The following COL4A6 variants were observed in gnomAD, a reference collection of about 807,000 sequenced individuals.
COL4A6 encodes collagen alpha-6(IV) chain.
In COL4A6, 59 loss-of-function variants were observed where a neutral mutation model predicts 126.7. The observed-to-expected ratio is 0.47, with a 90% CI of 0.38 to 0.58. COL4A6 has a LOEUF of 0.58. COL4A6 is among the 20% of genes least tolerant of loss of function. COL4A6 has a pLI of 0.00. For missense variants in COL4A6, 1,285 were observed against 1,337.3 expected (o/e 0.96, Z 0.61); for synonymous variants, 547 against 496.6 (o/e 1.10, Z -1.35).
At chrX:108,233,572 T>C (rs1446419949) in intron 3 of COL4A6, among the ~76,000 whole-genome samples, 2 of 112,040 alleles carry the variant, frequency 1.8e-5, no homozygotes, top group Non-Finnish European at 3.8e-5. Flanking sequence ...GCAATTTACT[T>C]ACATAGTTTC....
chrX:108,196,329 G>T (rs2035212923), intron 14 of COL4A6, among the ~76,000 whole-genome samples, 182 bp downstream of exon 14: 1 of 111,301 alleles, frequency 9.0e-6, no homozygotes, highest in Non-Finnish European at 1.9e-5. Context: ...CCTTTTCAAG[G>T]GAGCCATTCA....
chrX:108,277,711 C>A (rs1384487709), intron 3 of COL4A6, among the ~76,000 whole-genome samples: 3 of 112,208 alleles, frequency 2.7e-5, no homozygotes, highest in Non-Finnish European at 5.6e-5. Flanking sequence ...TGACCCCTGA[C>A]CCCCGAGCAG....
At chrX:108,381,972 T>G (rs1224444049) in intron 2 of COL4A6, among the ~76,000 whole-genome samples, 1 of 111,514 alleles carries the variant, frequency 9.0e-6, no homozygotes, top group African/African-American at 3.3e-5. Flanking sequence ...CATATTGATT[T>G]TTCTCTTGAA....
chrX:108,221,244 T>C lies in COL4A6; in HGVS notation c.275A>G (p.Asp92Gly), dbSNP rs1398101880. Reference sequence around the variant, plus strand: ...ATCAAGCTTTGCTGGTCTTACCTTATCTCCTTTTGGTCCATAAGGTCCCAG... The same window carrying C: ...ATCAAGCTTTGCTGGTCTTACCTTACCTCCTTTTGGTCCATAAGGTCCCAG... Reference protein sequence around the residue: ...GLLGPYGPKGDKGPMGVPGFL... With the variant: ...GLLGPYGPKGGKGPMGVPGFL... The change falls in exon 4 of 45, where the codon GAT becomes GGT. Residue 92 changes from aspartate to glycine, a missense_variant. Physicochemically the swap from Asp to Gly is moderately conservative, Grantham distance 94 (BLOSUM62 -1). Coordinates refer to ENST00000334504, the MANE Select transcript of COL4A6 (RefSeq NM_033641.4). 7.4e-6 allele frequency: 9 copies of C among 1,211,492 alleles called. No homozygotes were observed. Among genetic ancestry groups the C allele is most frequent in the Non-Finnish European group, 1.0e-5 (9 of 895,163 alleles).
intron 2 of COL4A6, among the ~76,000 whole-genome samples, chrX:108,368,046 A>C (rs1258938265): frequency 9.2e-6 from 1 of 109,184 alleles, no homozygotes; most frequent in African/African-American, 3.3e-5. Flanking sequence ...ATATTTTTCC[A>C]TCTAGCCCAG....
rs1438913073 is a variant in COL4A6, at chrX:108,187,886, C to A, written c.1729G>T (p.Asp577Tyr). The A allele has an allele frequency of 8.3e-7, 1 of 1,209,678 alleles. No homozygotes were observed. Among genetic ancestry groups the A allele is most frequent in the South Asian group, 1.8e-5 (1 of 56,454 alleles). ...AGACCTGGTAAACCTGGTACTCCGT[C>A]CTTGCCTGGTTCTCCTATTACACCA... ...FRGVIGEPGKDGVPGLPGLPG... is the reference protein window; with the variant it reads ...FRGVIGEPGKYGVPGLPGLPG... Residue 577 changes from aspartate (D) to tyrosine (Y), a missense_variant, in exon 22 of 45, where the codon GAC becomes TAC. Coordinates refer to ENST00000334504, the MANE Select transcript of COL4A6 (RefSeq NM_033641.4).
intron 2 of COL4A6, among the ~76,000 whole-genome samples, chrX:108,414,169 C>T (rs1361031115): frequency 8.9e-6 from 1 of 112,120 alleles, no homozygotes; most frequent in African/African-American, 3.2e-5. Flanking sequence ...GAGGAAAATG[C>T]TCTGAGGCAG....
intron 3 of COL4A6, among the ~76,000 whole-genome samples, chrX:108,252,088 C>T (rs1268332478): frequency 1.8e-5 from 2 of 111,117 alleles, no homozygotes; most frequent in Admixed American, 9.6e-5. Context: ...TTCCTCCTAT[C>T]TAACTATAAG....
At chrX:108,176,262 T>C (rs1385598084) in intron 28 of COL4A6, among the ~76,000 whole-genome samples, 1 of 105,432 alleles carries the variant, frequency 9.5e-6, no homozygotes, top group East Asian at 3.0e-4. Flanking sequence ...GGGGCAGAGG[T>C]TGCAGTGAGC....
At chrX:108,309,206 A>G (rs1467087376) in intron 3 of COL4A6, among the ~76,000 whole-genome samples, 1 of 110,662 alleles carries the variant, frequency 9.0e-6, no homozygotes, top group East Asian at 2.8e-4. Flanking sequence ...GAATGTGTTC[A>G]TATATTTATT....
chrX:108,411,076 A>T (rs1228533219), intron 2 of COL4A6, among the ~76,000 whole-genome samples: 5 of 112,413 alleles, frequency 4.4e-5, no homozygotes, highest in African/African-American at 1.3e-4. Flanking sequence ...GGGCACAGCA[A>T]AGGTAAATGA....
At chrX:108,321,088 C>G (rs920091977) in intron 2 of COL4A6, among the ~76,000 whole-genome samples, 1 of 111,784 alleles carries the variant, frequency 8.9e-6, no homozygotes, top group South Asian at 3.7e-4. Flanking sequence ...TAAGATGATG[C>G]TCTTTGTCAA....
intron 2 of COL4A6, among the ~76,000 whole-genome samples, chrX:108,325,172 A>T (rs1440950374): frequency 3.6e-5 from 4 of 112,246 alleles, no homozygotes; most frequent in South Asian, 3.7e-4. Context: ...ACTGCATGTC[A>T]TAAGCAAAGT....
In COL4A6 at chrX:108,204,497, T is replaced by C; in HGVS notation, c.688-85A>G. The C allele has an allele frequency of 3.6e-6, 3 of 826,162 alleles. No individual in the cohort carries two copies. The South Asian group carries it at 6.1e-5, about 17-fold the overall frequency. The allele number at this position is 826,162 out of a possible 1,213,427, so 68.1% of individuals were successfully genotyped here. A position where few individuals can be genotyped will look rare whatever the true frequency, so the allele number is the denominator to read the frequency against. On this transcript the variant is annotated intron_variant, in intron 11 of 44. Transcript: ENST00000334504. ...TGGGGGTTTGTCCTCTGGATGTAACTCACAAATAAACTGTCTCTTACTTTG... is the reference window on the plus strand; with the variant it reads ...TGGGGGTTTGTCCTCTGGATGTAACCCACAAATAAACTGTCTCTTACTTTG...
chrX:108,303,910 T>G (rs761538269), intron 3 of COL4A6, among the ~76,000 whole-genome samples: 1 of 111,792 alleles, frequency 8.9e-6, no homozygotes, highest in African/African-American at 3.2e-5. Flanking sequence ...CGTATCTCAC[T>G]TCAATACTAG....
chrX:108,213,463 C>T (rs2035769387), intron 6 of COL4A6, among the ~76,000 whole-genome samples: 1 of 111,966 alleles, frequency 8.9e-6, no homozygotes, highest in Non-Finnish European at 1.9e-5. Flanking sequence ...CCAATAAATA[C>T]CTTATCAATA....
At chrX:108,199,070 G>A (rs773134264) in intron 13 of COL4A6, among the ~76,000 whole-genome samples, 16 of 111,669 alleles carry the variant, frequency 1.4e-4, no homozygotes, top group Non-Finnish European at 2.3e-4. Context: ...CAGAAAATCA[G>A]GGATGTTTGG....
chrX:108,438,064 G>T, intron 1 of COL4A6, 71 bp from the exon 2 acceptor site: 1 of 1,195,166 alleles, frequency 8.4e-7, no homozygotes, highest in South Asian at 1.8e-5. Context: ...GTCGCCCCCC[G>T]AACCCTTTTG....
At chrX:108,343,839 G>A (rs1440792153) in intron 2 of COL4A6, among the ~76,000 whole-genome samples, 8 of 108,466 alleles carry the variant, frequency 7.4e-5, no homozygotes, top group African/African-American at 2.7e-4. Context: ...AAGAAAGGAG[G>A]GGTGAGCGTT....
Sources: allele counts gnomAD v4.1 joint callset (sites outside exome capture counted in the v4.1 genomes callset), GRCh38; gene constraint gnomAD v4.1.1; transcripts MANE v1.5; gene names NCBI Gene and HGNC (gene_info 2026-07-23, HGNC 2026-07-21).